ESRRG: variants seen among roughly 807,000 people sequenced by gnomAD.
ESRRG encodes the protein estrogen-related receptor gamma.
A neutral mutation model predicts 44.0 loss-of-function variants in ESRRG; 13 were observed. The ratio of observed to expected loss-of-function variants is 0.30; its 90% CI spans 0.19 to 0.47. The LOEUF is 0.47. Ranked by LOEUF, ESRRG falls within the 20% of genes least tolerant of loss-of-function variation. The pLI is 1.00. For missense variants in ESRRG, 395 were observed against 580.6 expected (o/e 0.68, Z 3.29); for synonymous variants, 215 against 214.6 (o/e 1.00, Z -0.02).
chr1:216,927,193 G>C (rs2062705936), intron 2 of ESRRG, among the ~76,000 whole-genome samples: 1 of 152,104 alleles, frequency 6.6e-6, no homozygotes, highest in Admixed American at 6.5e-5. Flanking sequence ...TACATGAATA[G>C]TGTATATACA....
chr1:216,678,847 C>A (rs2076548420), intron 1 of ESRRG, among the ~76,000 whole-genome samples: 1 of 152,110 alleles, frequency 6.6e-6, no homozygotes, highest in Non-Finnish European at 1.5e-5. Context: ...ACAGGATAAC[C>A]AAAGGGATGC....
At chr1:217,076,447 T>A (rs1490477717) in intron 1 of ESRRG, among the ~76,000 whole-genome samples, 1 of 152,164 alleles carries the variant, frequency 6.6e-6, no homozygotes. Flanking sequence ...GAAGGCAAAT[T>A]TATGAATACA....
intron 2 of ESRRG, among the ~76,000 whole-genome samples, chr1:216,794,344 G>A (rs2094415370): frequency 6.6e-6 from 1 of 152,280 alleles, no homozygotes; most frequent in South Asian, 2.1e-4. Flanking sequence ...CCGCTTGGGG[G>A]GAATCCGGGA....
chr1:216,579,245 T>C (rs1017502499), intron 3 of ESRRG, among the ~76,000 whole-genome samples: 1 of 152,132 alleles, frequency 6.6e-6, no homozygotes, highest in East Asian at 1.9e-4. Flanking sequence ...AGCTAAATAT[T>C]CAATGTTATT....
At chr1:216,793,124 G>T (rs1196980372) in intron 2 of ESRRG, among the ~76,000 whole-genome samples, 1 of 151,986 alleles carries the variant, frequency 6.6e-6, no homozygotes, top group African/African-American at 2.4e-5. Flanking sequence ...CTGCCCTTTT[G>T]GTCCCACAGT....
At chr1:216,901,366 C>A (rs1196873407) in intron 2 of ESRRG, among the ~76,000 whole-genome samples, 3 of 152,108 alleles carry the variant, frequency 2.0e-5, no homozygotes, top group Non-Finnish European at 4.4e-5. Context: ...TGTCTTTCTG[C>A]TTTTACTTTT....
rs189082197 is a variant in ESRRG at position 216,601,082 on chromosome 1, C to A, written c.590-32984G>T. 1.4e-3 allele frequency among the ~76,000 whole-genome samples: 220 copies of A among 152,294 alleles called. 1 individual carries two copies. The highest frequency in any genetic ancestry group is 4.8e-3 in the African/African-American group (200 of 41,574). On this transcript the variant is annotated intron_variant, in intron 3 of 6. Coordinates refer to ENST00000408911, the MANE Select transcript of ESRRG (RefSeq NM_001438.4). ...CGGAGGCCTAGGAAGCCCGGCAGCG[C>A]GGGCGGCAGCAGCGGGTTGGGGAGC... is the stretch of plus-strand genomic sequence containing the variant.
intron 2 of ESRRG, among the ~76,000 whole-genome samples, chr1:216,785,975 T>C (rs1319995485): frequency 2.6e-5 from 4 of 152,114 alleles, no homozygotes; most frequent in African/African-American, 9.7e-5. Flanking sequence ...ATCGCACGCC[T>C]AGATCATAGT....
chr1:216,752,689 T>C (rs2092131600), intron 2 of ESRRG, among the ~76,000 whole-genome samples: 1 of 152,090 alleles, frequency 6.6e-6, no homozygotes, highest in Non-Finnish European at 1.5e-5. Context: ...TCTGAGACAT[T>C]TCTTTCTTCC....
rs1999973 is a variant in ESRRG, at chr1:217,002,808, C to T, written c.-105-63135G>A. Among the ~76,000 whole-genome samples the T allele has an allele frequency of 5.2e-3, 788 of 152,246 alleles. 5 individuals are homozygous for T. Among genetic ancestry groups the T allele is most frequent in the African/African-American group, 0.018 (755 of 41,542 alleles). On this transcript the variant is annotated intron_variant, in intron 1 of 7. Transcript: ENST00000359162. ...CTTGGAAGTGGAACCTCCAGCCCCA[C>T]GCAGGCTTTCATTTGACTGCAGCTC... is the stretch of plus-strand genomic sequence containing the variant.
intron 3 of ESRRG, among the ~76,000 whole-genome samples, chr1:216,605,658 G>A (rs1374495813): frequency 7.2e-5 from 11 of 152,098 alleles, no homozygotes; most frequent in African/African-American, 2.7e-4. Flanking sequence ...GAAAAATTTT[G>A]TGTGGAACTC....
At chr1:217,069,868 ATGT>A (rs898819723) in intron 1 of ESRRG, among the ~76,000 whole-genome samples, 2 of 152,172 alleles carry the variant, frequency 1.3e-5, no homozygotes, top group African/African-American at 4.8e-5. Context: ...AAAAAAAATA[ATGT>A]TGTAAATCAC....
intron 1 of ESRRG, among the ~76,000 whole-genome samples, chr1:216,997,454 C>G (rs2076506777): frequency 6.6e-6 from 1 of 152,180 alleles, no homozygotes; most frequent in African/African-American, 2.4e-5. Context: ...TGAACAGCTT[C>G]CCTTTGCCCA....
At chr1:216,854,840 G>A (rs532811352) in intron 2 of ESRRG, among the ~76,000 whole-genome samples, 3 of 151,982 alleles carry the variant, frequency 2.0e-5, no homozygotes, top group African/African-American at 7.2e-5. Flanking sequence ...AAAAAATTTT[G>A]ACAAAATTGA....
At chr1:217,121,472 G>A (rs180923551) in intron 1 of ESRRG, among the ~76,000 whole-genome samples, 125 of 152,298 alleles carry the variant, frequency 8.2e-4, no homozygotes, top group African/African-American at 2.9e-3. Context: ...TGGAGACAGG[G>A]TGACCAGTTA....
At chr1:216,868,639 G>GAT (rs1208885934) in intron 2 of ESRRG, among the ~76,000 whole-genome samples, 1 of 152,032 alleles carries the variant, frequency 6.6e-6, no homozygotes, top group Non-Finnish European at 1.5e-5. Flanking sequence ...TTTAAAAAGG[G>GAT]CTGAATTCTT....
chr1:217,118,083 C>T (rs555765408), intron 1 of ESRRG, among the ~76,000 whole-genome samples: 1 of 152,300 alleles, frequency 6.6e-6, no homozygotes, highest in Non-Finnish European at 1.5e-5. Flanking sequence ...AAGCATTTTA[C>T]TGATAATAAC....
chr1:216,958,362 TTG>T (rs923894202), intron 1 of ESRRG, among the ~76,000 whole-genome samples: 1 of 152,164 alleles, frequency 6.6e-6, no homozygotes, highest in Non-Finnish European at 1.5e-5. Context: ...TTTCAAAGTG[TTG>T]TGTTATTTTC....
In ESRRG at chr1:216,601,131, C is replaced by T. The variant is rs117662581; in HGVS notation, c.590-33033G>A. Among the ~76,000 whole-genome samples the T allele has an allele frequency of 4.5e-4, 69 of 152,224 alleles. No individual in the cohort carries two copies. In the East Asian group the frequency reaches 0.013, roughly 30 times the overall value. On this transcript the variant is annotated intron_variant, in intron 3 of 6. Coordinates refer to ENST00000408911, the MANE Select transcript of ESRRG (RefSeq NM_001438.4). ...GCAAGGCCGGCTTGGAACGCGGGCT[C>T]CTGCCCACTGCCACCCGCAGGCTGC...
Sources: gnomAD v4.1 joint callset for allele counts (sites outside exome capture counted in the v4.1 genomes callset) on GRCh38, gnomAD v4.1.1 for gene constraint, MANE v1.5 for transcripts, NCBI Gene and HGNC (gene_info 2026-07-23, HGNC 2026-07-21) for gene names.